The following SFMBT2 variants were observed in gnomAD, a reference collection of about 807,000 sequenced individuals.
SFMBT2 encodes scm-like with four MBT domains protein 2.
A neutral mutation model predicts 110.1 loss-of-function variants in SFMBT2; 38 were observed. The observed-to-expected ratio is 0.35, with a 90% CI of 0.27 to 0.45. The LOEUF (loss-of-function observed/expected upper bound fraction) is 0.45, where lower values mean the gene tolerates loss of function less well. Ranked by LOEUF, SFMBT2 falls within the 20% of genes least tolerant of loss-of-function variation. SFMBT2 has a pLI of 1.00. For synonymous variants in SFMBT2, 425 were observed against 425.4 expected, an observed-to-expected ratio of 1.00 and a Z score of 0.01; for missense variants, 1,011 against 1,094.9, an observed-to-expected ratio of 0.92 and a Z score of 1.08.
chr10:7,401,137 AAAAAAT>A (rs1389194689), intron 1 of SFMBT2, among the ~76,000 whole-genome samples: 1 of 152,158 alleles, frequency 6.6e-6, no homozygotes, highest in African/African-American at 2.4e-5. Flanking sequence ...CGTCATAAAA[AAAAAAT>A]AAAAATAAAA....
chr10:7,167,791 G>T (rs1837735358), intron 20 of SFMBT2, among the ~76,000 whole-genome samples: 1 of 152,152 alleles, frequency 6.6e-6, no homozygotes, highest in Non-Finnish European at 1.5e-5. Flanking sequence ...AATTACACAG[G>T]AATGAGATGA....
intron 16 of SFMBT2, among the ~76,000 whole-genome samples, chr10:7,187,203 ATC>A (rs1455183743): frequency 1.3e-5 from 2 of 152,164 alleles, no homozygotes; most frequent in Non-Finnish European, 2.9e-5. Context: ...CTTTTATTAT[ATC>A]TGTGTCCATT....
At chr10:7,398,597 ATT>A (rs1258287228) in intron 1 of SFMBT2, among the ~76,000 whole-genome samples, 1 of 151,588 alleles carries the variant, frequency 6.6e-6, no homozygotes, top group Non-Finnish European at 1.5e-5. Flanking sequence ...CTTTTTTTTT[ATT>A]TTTGTGGGTA....
chr10:7,397,403 T>A (rs1404926219), intron 1 of SFMBT2, among the ~76,000 whole-genome samples: 1 of 151,712 alleles, frequency 6.6e-6, no homozygotes, highest in Non-Finnish European at 1.5e-5. Flanking sequence ...TCAGAAAAGA[T>A]AATATTCTCC....
At chr10:7,281,624 A>G (rs1447692792) in intron 6 of SFMBT2, among the ~76,000 whole-genome samples, 1 of 152,230 alleles carries the variant, frequency 6.6e-6, no homozygotes, top group African/African-American at 2.4e-5. Flanking sequence ...CATGTGTACA[A>G]CAGGGGTAGT....
intron 1 of SFMBT2, among the ~76,000 whole-genome samples, chr10:7,409,971 C>T (rs778783451): frequency 1.1e-4 from 17 of 151,924 alleles, no homozygotes; most frequent in Non-Finnish European, 1.9e-4. Flanking sequence ...CCCCTTCCCA[C>T]CGCCCCTGGT....
At chr10:7,391,526 C>T (rs1444084037) in intron 1 of SFMBT2, among the ~76,000 whole-genome samples, 9 of 151,982 alleles carry the variant, frequency 5.9e-5, no homozygotes, top group Non-Finnish European at 1.0e-4. Context: ...GGGCAATGGC[C>T]GTGCCACTGG....
intron 10 of SFMBT2, among the ~76,000 whole-genome samples, chr10:7,221,116 G>A (rs367926703): frequency 7.3e-5 from 11 of 150,664 alleles, no homozygotes; most frequent in Admixed American, 1.3e-4. Flanking sequence ...GTGAGCCACC[G>A]TGCCCGGCTG....
chr10:7,369,196 T>G (rs1844996711), intron 3 of SFMBT2, among the ~76,000 whole-genome samples: 1 of 152,126 alleles, frequency 6.6e-6, no homozygotes, highest in Non-Finnish European at 1.5e-5. Context: ...GAATCAAAGT[T>G]CTGGCTTCTT....
At chr10:7,405,797 T>C (rs1189761098) in intron 1 of SFMBT2, among the ~76,000 whole-genome samples, 1 of 151,516 alleles carries the variant, frequency 6.6e-6, no homozygotes, top group Non-Finnish European at 1.5e-5. Context: ...AACAGAACCA[T>C]GTCCACCTAC....
intron 7 of SFMBT2, among the ~76,000 whole-genome samples, chr10:7,266,807 A>T (rs888954875): frequency 6.6e-6 from 1 of 152,192 alleles, no homozygotes; most frequent in Non-Finnish European, 1.5e-5. Flanking sequence ...TGAGTTCAGG[A>T]CAGAGTTTGA....
chr10:7,283,464 G>A lies in SFMBT2; in HGVS notation c.772+440C>T, dbSNP rs560713987. Among the ~76,000 whole-genome samples, 52 of 150,776 alleles carry A rather than the reference G, an allele frequency of 3.4e-4. 1 individual carries two copies. In the South Asian group the frequency reaches 6.9e-3, roughly 20 times the overall value. On this transcript the variant is annotated intron_variant, in intron 6 of 20. Coordinates refer to ENST00000397167, the MANE Select transcript of SFMBT2 (RefSeq NM_001387889.1). The stretch of plus-strand genomic sequence containing the variant: ...ATGCTGGATGGATAGGTGGATGAAT[G>A]GATGGATGAATAGATAAATGGATAG...
chr10:7,180,313 A>C (rs1014161357), intron 16 of SFMBT2, among the ~76,000 whole-genome samples: 1 of 94,706 alleles, frequency 1.1e-5, no homozygotes, highest in Admixed American at 1.1e-4. Context: ...TTTTTTTTGT[A>C]TTTTTAGTAG....
At chr10:7,247,864 T>C (rs1038214537) in intron 8 of SFMBT2, among the ~76,000 whole-genome samples, 4 of 152,254 alleles carry the variant, frequency 2.6e-5, no homozygotes, top group African/African-American at 9.6e-5. Flanking sequence ...GAATGGATAT[T>C]ATACTGGTTT....
intron 8 of SFMBT2, chr10:7,246,267 C>G: frequency 4.8e-6 from 3 of 626,710 alleles, no homozygotes; most frequent in Non-Finnish European, 6.0e-6. Context: ...TCAATAAGAT[C>G]TATTTAGAGA....
intron 11 of SFMBT2, among the ~76,000 whole-genome samples, chr10:7,218,128 A>G (rs1395323277): frequency 6.6e-6 from 1 of 152,190 alleles, no homozygotes; most frequent in East Asian, 1.9e-4. Flanking sequence ...TAACTAATAA[A>G]ATTGTTACAA....
Position 7,161,451 on chromosome 10 carries a change from C to T in SFMBT2, c.*2319G>A, listed in dbSNP as rs552491147. 2 of 152,338 alleles carry T rather than the reference C, an allele frequency of 1.3e-5. No homozygotes were observed. The highest frequency in any genetic ancestry group is 4.1e-4 in the South Asian group (2 of 4,820). The allele number at this position is 152,338 out of a possible 1,614,324, so 9.4% of individuals were successfully genotyped here. ...TGCCAAAGATCTGGAAATGGATGCC[C>T]TTTCCAATCGTTTGACAGAGTTGAA... On this transcript the variant is annotated 3_prime_UTR_variant, in exon 21 of 21. Transcript: ENST00000397167.
chr10:7,364,987 G>A (rs1456831112), intron 4 of SFMBT2, among the ~76,000 whole-genome samples: 2 of 152,150 alleles, frequency 1.3e-5, no homozygotes, highest in East Asian at 1.9e-4. Flanking sequence ...TTAATCAAAC[G>A]TTACACCACA....
intron 7 of SFMBT2, 112 bp from the exon 8 acceptor site, chr10:7,248,761 C>T (rs2131733157): frequency 1.3e-6 from 1 of 796,822 alleles, no homozygotes; most frequent in East Asian, 2.8e-5. Flanking sequence ...CTTATGGAGA[C>T]AATTAACCTT....
Sources: gnomAD v4.1 joint callset for allele counts (sites outside exome capture counted in the v4.1 genomes callset) on GRCh38, gnomAD v4.1.1 for gene constraint, MANE v1.5 for transcripts, NCBI Gene and HGNC (gene_info 2026-07-23, HGNC 2026-07-21) for gene names.